CDH18: variants seen among roughly 807,000 people sequenced by gnomAD.
CDH18 encodes the protein cadherin 18, also known as cadherin-18.
In CDH18, 31 loss-of-function variants were observed where a neutral mutation model predicts 67.9. The observed-to-expected ratio is 0.46, with a 90% CI of 0.34 to 0.62. The LOEUF (loss-of-function observed/expected upper bound fraction) is 0.62. Ranked by LOEUF, CDH18 falls within the 20% of genes least tolerant of loss-of-function variation. CDH18 has a pLI of 0.01. For synonymous variants in CDH18, 362 were observed against 347.2 expected (o/e 1.04, Z -0.48); for missense variants, 890 against 975.5 (o/e 0.91, Z 1.17).
chr5:20,400,675 T>C (rs531719891), intron 1 of CDH18, among the ~76,000 whole-genome samples: 1 of 151,582 alleles, frequency 6.6e-6, no homozygotes, highest in Admixed American at 6.6e-5. Context: ...GGCACGATAA[T>C]TGTTTGAACC....
At chr5:20,376,218 C>T (rs1165270934) in intron 1 of CDH18, among the ~76,000 whole-genome samples, 5 of 149,794 alleles carry the variant, frequency 3.3e-5, no homozygotes, top group African/African-American at 7.4e-5. Flanking sequence ...CTCAGCCTCC[C>T]GAGTAGCTGG....
chr5:20,366,639 C>T (rs989119974), intron 1 of CDH18, among the ~76,000 whole-genome samples: 2 of 152,070 alleles, frequency 1.3e-5, no homozygotes, highest in Non-Finnish European at 2.9e-5. Context: ...AATTTGCCCC[C>T]CTAACAGTGG....
intron 3 of CDH18, among the ~76,000 whole-genome samples, chr5:19,749,554 T>C (rs1351956342): frequency 6.6e-6 from 1 of 151,082 alleles, no homozygotes; most frequent in Admixed American, 6.6e-5. Context: ...TGTAGCAATA[T>C]AAAATTATAC....
At chr5:20,370,529 A>G (rs1742893786) in intron 1 of CDH18, among the ~76,000 whole-genome samples, 1 of 152,164 alleles carries the variant, frequency 6.6e-6, no homozygotes, top group Non-Finnish European at 1.5e-5. Flanking sequence ...TAATTGAAGG[A>G]TTATTCACTC....
chr5:20,292,910 A>T (rs1747210397), intron 1 of CDH18, among the ~76,000 whole-genome samples: 1 of 152,188 alleles, frequency 6.6e-6, no homozygotes, highest in African/African-American at 2.4e-5. Flanking sequence ...ATAACTGCAG[A>T]TACCTTATTT....
intron 5 of CDH18, among the ~76,000 whole-genome samples, chr5:19,636,093 C>T (rs1358225550): frequency 6.6e-6 from 1 of 152,002 alleles, no homozygotes; most frequent in African/African-American, 2.4e-5. Context: ...AAAAAGCCCT[C>T]CCCTGATATT....
chr5:20,499,492 C>T (rs549634879), intron 1 of CDH18, among the ~76,000 whole-genome samples: 61 of 152,132 alleles, frequency 4.0e-4, no homozygotes, highest in Non-Finnish European at 5.1e-4. Context: ...AAACTGGGGG[C>T]TATAAAGTCT....
intron 6 of CDH18, among the ~76,000 whole-genome samples, chr5:19,593,533 T>C (rs1745527627): frequency 6.6e-6 from 1 of 151,568 alleles, no homozygotes; most frequent in Admixed American, 6.6e-5. Flanking sequence ...TTTTTTTCCT[T>C]CCTTCTTCTC....
intron 1 of CDH18, among the ~76,000 whole-genome samples, chr5:20,303,411 G>A (rs142372631): frequency 0.032 from 4,796 of 152,136 alleles, 208 homozygotes; most frequent in East Asian, 0.093. Context: ...CAAGCTGTTC[G>A]TTTCTTTTTA....
intron 2 of CDH18, among the ~76,000 whole-genome samples, chr5:20,021,179 C>T (rs141502818): frequency 1.6e-3 from 240 of 152,144 alleles, no homozygotes; most frequent in African/African-American, 5.5e-3. Context: ...GTTGTATTTA[C>T]CCGATGCCTG....
chr5:19,786,867 C>T (rs1028749110), intron 3 of CDH18, among the ~76,000 whole-genome samples: 3 of 151,994 alleles, frequency 2.0e-5, no homozygotes, highest in Admixed American at 1.3e-4. Flanking sequence ...GGTAGGGGCT[C>T]TGGGGTTGTA....
intron 3 of CDH18, among the ~76,000 whole-genome samples, chr5:19,763,836 T>A (rs1490303208): frequency 1.3e-5 from 2 of 151,434 alleles, no homozygotes; most frequent in Non-Finnish European, 2.9e-5. Context: ...CATATTAGTG[T>A]CCTGGAACGA....
chr5:19,898,553 AG>A (rs1399922343), intron 2 of CDH18, among the ~76,000 whole-genome samples: 1 of 152,058 alleles, frequency 6.6e-6, no homozygotes, highest in Non-Finnish European at 1.5e-5. Flanking sequence ...TTTTAAAAAA[AG>A]GGTATGTCCA....
chr5:19,844,859 C>G (rs1016645912), intron 2 of CDH18, among the ~76,000 whole-genome samples: 1 of 152,170 alleles, frequency 6.6e-6, no homozygotes, highest in South Asian at 2.1e-4. Context: ...TTTCCTACTT[C>G]TCCCTAAACC....
chr5:20,533,769 AG>A (rs1171942610), intron 1 of CDH18, among the ~76,000 whole-genome samples: 1 of 152,064 alleles, frequency 6.6e-6, no homozygotes, highest in Admixed American at 6.6e-5. Context: ...TCATGTAAAT[AG>A]GCATGTCCAT....
chr5:20,294,350 C>G (rs1747327489), intron 1 of CDH18, among the ~76,000 whole-genome samples: 1 of 152,164 alleles, frequency 6.6e-6, no homozygotes, highest in Admixed American at 6.5e-5. Flanking sequence ...TAGCCCGTAA[C>G]AGGAAAGCAA....
At chr5:20,133,680 T>C (rs966380324) in intron 2 of CDH18, among the ~76,000 whole-genome samples, 4 of 152,108 alleles carry the variant, frequency 2.6e-5, no homozygotes, top group African/African-American at 7.2e-5. Flanking sequence ...TTATATTCTA[T>C]ATATTTTTCT....
At chr5:20,211,547 T>C (rs1244914752) in intron 2 of CDH18, among the ~76,000 whole-genome samples, 1 of 152,124 alleles carries the variant, frequency 6.6e-6, no homozygotes, top group Non-Finnish European at 1.5e-5. Context: ...ACGAAGCTTC[T>C]AGAGGAAGGA....
chr5:20,079,235 C>A (rs1020393994), intron 2 of CDH18, among the ~76,000 whole-genome samples: 2 of 152,124 alleles, frequency 1.3e-5, no homozygotes, highest in African/African-American at 4.8e-5. Flanking sequence ...CACACTGCAG[C>A]CCCTGGTAAC....
Sources: gnomAD v4.1 joint callset for allele counts (sites outside exome capture counted in the v4.1 genomes callset) on GRCh38, gnomAD v4.1.1 for gene constraint, MANE v1.5 for transcripts, NCBI Gene and HGNC (gene_info 2026-07-23, HGNC 2026-07-21) for gene names.